The following RBFOX1 variants were observed in gnomAD, a reference collection of about 807,000 sequenced individuals.
RBFOX1 encodes RNA binding fox-1 homolog 1, also known as RNA binding protein fox-1 homolog 1.
RBFOX1 carries 8 observed loss-of-function variants against 57.7 expected under a neutral mutation model. The ratio of observed to expected loss-of-function variants is 0.14; its 90% confidence interval spans 0.08 to 0.25. RBFOX1 has a LOEUF of 0.25. RBFOX1 is among the 10% of genes least tolerant of loss of function. RBFOX1 has a pLI of 1.00. For missense variants in RBFOX1, 611 were observed against 548.5 expected (o/e 1.11, Z -1.14); for synonymous variants, 326 against 222.4 (o/e 1.47, Z -4.15).
At chr16:6,651,488 C>T (rs532781359) in intron 2 of RBFOX1, among the ~76,000 whole-genome samples, 8 of 152,250 alleles carry the variant, frequency 5.3e-5, no homozygotes, top group African/African-American at 1.7e-4. Flanking sequence ...TAACCCCTGA[C>T]TGCCGGTTCT....
intron 1 of RBFOX1, among the ~76,000 whole-genome samples, chr16:6,162,207 T>C (rs1361596317): frequency 6.6e-6 from 1 of 152,172 alleles, no homozygotes; most frequent in Admixed American, 6.5e-5. Context: ...AACTTCCGCC[T>C]TCCAGGTTCA....
At chr16:6,047,680 C>T (rs181199170) in intron 1 of RBFOX1, among the ~76,000 whole-genome samples, 18 of 152,168 alleles carry the variant, frequency 1.2e-4, no homozygotes, top group African/African-American at 3.4e-4. Context: ...CACCCTGATA[C>T]GGAGCAGGGG....
At position 5,275,251 on chromosome 16, in the gene RBFOX1, G is replaced by T. The variant is rs192739356; in HGVS notation, c.219+35146G>T. Among the ~76,000 whole-genome samples the T allele has an allele frequency of 7.9e-5, 12 of 152,142 alleles. No individual in the cohort carries two copies. The East Asian group carries it at 2.3e-3, about 29-fold the overall frequency. On this transcript the variant is annotated intron_variant, in intron 1 of 2. Coordinates refer to the RBFOX1 transcript ENST00000585867. ...GTGCAATGAGTAATGATCAAATCAG[G>T]GTCTTTGGGATATTGATCACCTCAA...
chr16:6,022,428 C>A (rs1309042455), intron 1 of RBFOX1, among the ~76,000 whole-genome samples: 1 of 152,060 alleles, frequency 6.6e-6, no homozygotes, highest in African/African-American at 2.4e-5. Flanking sequence ...TGCCTGTAAT[C>A]CCATCACTCT....
intron 2 of RBFOX1, among the ~76,000 whole-genome samples, chr16:6,449,142 G>A (rs1409783400): frequency 6.6e-6 from 1 of 152,176 alleles, no homozygotes; most frequent in African/African-American, 2.4e-5. Flanking sequence ...AATCACAGAG[G>A]ACCAAGGAGG....
chr16:6,274,103 A>T (rs1263787852), intron 1 of RBFOX1, among the ~76,000 whole-genome samples: 1 of 152,206 alleles, frequency 6.6e-6, no homozygotes, highest in African/African-American at 2.4e-5. Context: ...AGAGGATGTC[A>T]AATGATACAT....
At chr16:6,595,212 A>G (rs1414881727) in intron 2 of RBFOX1, among the ~76,000 whole-genome samples, 3 of 152,092 alleles carry the variant, frequency 2.0e-5, no homozygotes, top group South Asian at 2.1e-4. Context: ...CACACCCTGT[A>G]CACCCTTACC....
intron 2 of RBFOX1, among the ~76,000 whole-genome samples, chr16:6,579,015 C>T (rs2097491450): frequency 6.6e-6 from 1 of 151,868 alleles, no homozygotes; most frequent in South Asian, 2.1e-4. Flanking sequence ...TAACCAAACA[C>T]CACCTGTTTT....
At chr16:6,608,558 G>A (rs1267182027) in intron 2 of RBFOX1, among the ~76,000 whole-genome samples, 1 of 152,142 alleles carries the variant, frequency 6.6e-6, no homozygotes, top group East Asian at 1.9e-4. Flanking sequence ...GAAGGCTGAG[G>A]TGGGAGAATC....
intron 4 of RBFOX1, among the ~76,000 whole-genome samples, chr16:7,406,355 A>C (rs375092369): frequency 6.6e-6 from 1 of 152,190 alleles, no homozygotes; most frequent in East Asian, 1.9e-4. Context: ...TAGAAGAGTA[A>C]ACCGAGGCCC....
chr16:5,611,908 A>C (rs2047829078), intron 3 of RBFOX1, among the ~76,000 whole-genome samples: 1 of 151,240 alleles, frequency 6.6e-6, no homozygotes, highest in Admixed American at 6.6e-5. Context: ...GAGGAGGATC[A>C]CTTGAGGACA....
chr16:7,340,497 G>T (rs148589705), intron 4 of RBFOX1, among the ~76,000 whole-genome samples: 1 of 152,144 alleles, frequency 6.6e-6, no homozygotes, highest in Non-Finnish European at 1.5e-5. Flanking sequence ...TCTTCCACTC[G>T]TGTATTTGGG....
chr16:5,594,767 C>T (rs2047126306), intron 2 of RBFOX1, among the ~76,000 whole-genome samples: 2 of 152,006 alleles, frequency 1.3e-5, no homozygotes, highest in Non-Finnish European at 2.9e-5. Context: ...TGACTTTTCC[C>T]TTTAGCTTAG....
intron 2 of RBFOX1, among the ~76,000 whole-genome samples, chr16:6,504,727 A>G (rs986256738): frequency 5.3e-5 from 8 of 152,304 alleles, no homozygotes; most frequent in Non-Finnish European, 1.2e-4. Context: ...TTACAAAAGC[A>G]GAATAAAGTG....
chr16:6,196,891 T>C (rs1314043971), intron 1 of RBFOX1, among the ~76,000 whole-genome samples: 2 of 152,126 alleles, frequency 1.3e-5, no homozygotes, highest in African/African-American at 4.8e-5. Flanking sequence ...GTCATCTCTG[T>C]CCGCTGCCTA....
intron 3 of RBFOX1, among the ~76,000 whole-genome samples, chr16:6,983,348 G>A (rs1271307919): frequency 6.6e-6 from 1 of 151,972 alleles, no homozygotes; most frequent in Non-Finnish European, 1.5e-5. Flanking sequence ...GGAAAGTACA[G>A]AATTATTGGT....
chr16:5,810,543 T>A (rs1031627062), intron 3 of RBFOX1, among the ~76,000 whole-genome samples: 4 of 152,182 alleles, frequency 2.6e-5, no homozygotes, highest in African/African-American at 9.7e-5. Flanking sequence ...TACCTGCACT[T>A]CTATCCCATG....
At chr16:5,941,058 C>T (rs1275078964) in intron 4 of RBFOX1, among the ~76,000 whole-genome samples, 1 of 152,100 alleles carries the variant, frequency 6.6e-6, no homozygotes, top group African/African-American at 2.4e-5. Flanking sequence ...TGAGATGATG[C>T]ATGCAAATCC....
At chr16:7,403,963 A>C (rs1206156841) in intron 4 of RBFOX1, among the ~76,000 whole-genome samples, 1 of 150,692 alleles carries the variant, frequency 6.6e-6, no homozygotes, top group Non-Finnish European at 1.5e-5. Context: ...ATGGGTGCTT[A>C]AGTTGTTTTT....
Sources: allele counts gnomAD v4.1 joint callset (sites outside exome capture counted in the v4.1 genomes callset), GRCh38; gene constraint gnomAD v4.1.1; transcripts MANE v1.5; gene names NCBI Gene and HGNC (gene_info 2026-07-23, HGNC 2026-07-21).